The following EXOC4 variants were observed in gnomAD, a reference collection of about 807,000 sequenced individuals.
EXOC4 encodes the protein SEC8-like 1.
EXOC4 carries 71 observed loss-of-function variants against 107.2 expected under a neutral mutation model. The observed-to-expected ratio is 0.66, with a 90% CI of 0.55 to 0.81. EXOC4 has a LOEUF of 0.81. Among genes scored for constraint, EXOC4 ranks in the 30% least tolerant of loss-of-function variants. The pLI is 0.00. For missense variants in EXOC4, 1,108 were observed against 1,189.6 expected, an observed-to-expected ratio of 0.93 and a Z score of 1.01; for synonymous variants, 456 against 441.2, an observed-to-expected ratio of 1.03 and a Z score of -0.42.
At chr7:133,362,650 A>G (rs1241381930) in intron 6 of EXOC4, among the ~76,000 whole-genome samples, 1 of 152,222 alleles carries the variant, frequency 6.6e-6, no homozygotes, top group Admixed American at 6.5e-5. Flanking sequence ...GAACTTTCTT[A>G]TAAAATGGTT....
chr7:133,945,554 C>T (rs978186491), intron 14 of EXOC4, among the ~76,000 whole-genome samples: 8 of 152,140 alleles, frequency 5.3e-5, no homozygotes, highest in Non-Finnish European at 1.0e-4. Context: ...AAATGTTCCT[C>T]TTACACTTTT....
At chr7:133,998,164 A>G (rs762152671) in intron 15 of EXOC4, among the ~76,000 whole-genome samples, 11 of 152,324 alleles carry the variant, frequency 7.2e-5, no homozygotes, top group Middle Eastern at 3.4e-3. Flanking sequence ...TATTTTAGTT[A>G]ACCCAGTATA....
intron 7 of EXOC4, among the ~76,000 whole-genome samples, chr7:133,386,103 C>T (rs2150708474): frequency 6.6e-6 from 1 of 152,070 alleles, no homozygotes; most frequent in South Asian, 2.1e-4. Context: ...AAAAGAATAG[C>T]CATCTCTGCA....
At chr7:133,315,959 G>T (rs1794981689) in intron 4 of EXOC4, among the ~76,000 whole-genome samples, 1 of 152,146 alleles carries the variant, frequency 6.6e-6, no homozygotes, top group Admixed American at 6.5e-5. Context: ...AAGTCAAAAG[G>T]GAGACGTTAA....
chr7:133,517,491 A>G (rs1799899070), intron 9 of EXOC4, among the ~76,000 whole-genome samples: 1 of 152,186 alleles, frequency 6.6e-6, no homozygotes, highest in Non-Finnish European at 1.5e-5. Context: ...GCAATTTACA[A>G]AACAAAGAGG....
chr7:133,338,558 A>C (rs570492029), intron 5 of EXOC4, among the ~76,000 whole-genome samples: 1 of 131,692 alleles, frequency 7.6e-6, no homozygotes, highest in Admixed American at 9.2e-5. Flanking sequence ...GCGCCACTGC[A>C]GTCCGCAGTC....
intron 7 of EXOC4, among the ~76,000 whole-genome samples, chr7:133,378,435 TC>T (rs1374919592): frequency 6.6e-6 from 1 of 151,530 alleles, no homozygotes; most frequent in Non-Finnish European, 1.5e-5. Flanking sequence ...AAAATGCTTT[TC>T]CCCCCCACAT....
chr7:133,699,620 TATG>T (rs1402389623), intron 10 of EXOC4, among the ~76,000 whole-genome samples: 2 of 152,132 alleles, frequency 1.3e-5, no homozygotes, highest in South Asian at 2.1e-4. Context: ...GGCAGTCTCT[TATG>T]ATAATTCCTG....
chr7:133,354,282 C>G (rs983745317), intron 5 of EXOC4, among the ~76,000 whole-genome samples: 4 of 152,176 alleles, frequency 2.6e-5, no homozygotes, highest in African/African-American at 9.6e-5. Flanking sequence ...CATTCTCCCT[C>G]TTTTCCCGGG....
chr7:134,084,949 C>T, the EXOC4 span, among the ~76,000 whole-genome samples: 15 of 152,158 alleles, frequency 9.9e-5, no homozygotes, highest in Admixed American at 2.6e-4. Flanking sequence ...ATACAGAAAT[C>T]GGAAGTAAGG....
At chr7:133,364,501 A>G (rs1008623684) in intron 6 of EXOC4, among the ~76,000 whole-genome samples, 2 of 151,870 alleles carry the variant, frequency 1.3e-5, no homozygotes, top group Non-Finnish European at 2.9e-5. Context: ...GGAAGTTATT[A>G]TTATTATTTT....
At chr7:134,092,070 G>T in the EXOC4 span, among the ~76,000 whole-genome samples, 1 of 152,072 alleles carries the variant, frequency 6.6e-6, no homozygotes, top group Non-Finnish European at 1.5e-5. Flanking sequence ...TTGGATAAGG[G>T]ATATGTGACT....
chr7:133,580,655 G>C (rs1207218364), intron 9 of EXOC4, among the ~76,000 whole-genome samples: 3 of 152,146 alleles, frequency 2.0e-5, no homozygotes, highest in African/African-American at 7.2e-5. Flanking sequence ...GATTGAATCA[G>C]ATCCAAGATG....
rs554024977 is a variant in EXOC4, at chr7:133,363,560, G to A, written c.1007+6987G>A. Among the ~76,000 whole-genome samples the A allele has an allele frequency of 4.8e-5, 7 of 146,116 alleles. 1 individual carries two copies. The Admixed American group carries it at 4.9e-4, about 10-fold the overall frequency. ...CTTCTTGGCTGAATAGGCCAGAGAT[G>A]TTACTCAATATTACATTTCTTAAAC... On this transcript the variant is annotated intron_variant, in intron 6 of 17. Coordinates refer to ENST00000253861, the MANE Select transcript of EXOC4 (RefSeq NM_021807.4).
chr7:133,318,300 T>C (rs1408962946), intron 5 of EXOC4, among the ~76,000 whole-genome samples: 1 of 152,224 alleles, frequency 6.6e-6, no homozygotes, highest in Admixed American at 6.5e-5. Context: ...CAGGAGGGTA[T>C]ACTTTGGATG....
At chr7:133,925,046 G>C (rs1406044786) in intron 13 of EXOC4, among the ~76,000 whole-genome samples, 2 of 152,206 alleles carry the variant, frequency 1.3e-5, no homozygotes, top group Non-Finnish European at 2.9e-5. Flanking sequence ...TTGACAGAGT[G>C]CCTTGATTTA....
chr7:133,258,940 C>G (rs1440383397), intron 1 of EXOC4, among the ~76,000 whole-genome samples: 1 of 151,954 alleles, frequency 6.6e-6, no homozygotes, highest in Non-Finnish European at 1.5e-5. Context: ...AGACTATAAA[C>G]AAGCAAATCA....
At chr7:133,921,231 C>G (rs1799928769) in intron 13 of EXOC4, among the ~76,000 whole-genome samples, 1 of 152,154 alleles carries the variant, frequency 6.6e-6, no homozygotes, top group Non-Finnish European at 1.5e-5. Flanking sequence ...GGATGTCCTG[C>G]TCTAGCATAC....
At chr7:133,405,785 C>T (rs900223672) in intron 7 of EXOC4, among the ~76,000 whole-genome samples, 3 of 152,090 alleles carry the variant, frequency 2.0e-5, no homozygotes, top group Non-Finnish European at 4.4e-5. Flanking sequence ...TGTGAATATG[C>T]GCTTGGGAAC....
Sources: allele counts gnomAD v4.1 joint callset (sites outside exome capture counted in the v4.1 genomes callset), GRCh38; gene constraint gnomAD v4.1.1; transcripts MANE v1.5; gene names NCBI Gene and HGNC (gene_info 2026-07-23, HGNC 2026-07-21).